Variants in PDP1 observed in about 807,000 individuals in gnomAD.
PDP1 encodes pyruvate dehydrogenase phosphatase catalytic subunit 1, also known as pyruvate dehyrogenase phosphatase catalytic subunit 1.
In PDP1, 14 loss-of-function variants were observed where a neutral mutation model predicts 37.1. The observed-to-expected ratio is 0.38, with a 90% CI of 0.25 to 0.59. The LOEUF is 0.59. Among genes scored for constraint, PDP1 ranks in the 20% least tolerant of loss-of-function variants. The pLI is 0.67. For missense variants in PDP1, 544 were observed against 655.3 expected (o/e 0.83, Z 1.85); for synonymous variants, 251 against 243.3 (o/e 1.03, Z -0.29).
chr8:93,919,504 C>G lies in PDP1; in HGVS notation c.-45+2425C>G, dbSNP rs546408193. On this transcript the variant is annotated intron_variant, in intron 1 of 1. Coordinates refer to ENST00000297598, the MANE Select transcript of PDP1 (RefSeq NM_018444.4). ...CCCCCCGCTGCCCTCCCTCCCCCCC[C>G]CCGGCAAAAAAATGTCGAAGCAAAG... Among the ~76,000 whole-genome samples, 115 of 137,074 alleles carry G rather than the reference C, an allele frequency of 8.4e-4. No individual in the cohort carries two copies. In the South Asian group the frequency reaches 0.012, roughly 14 times the overall value. The allele number at this position is 137,074 out of a possible 152,430, so 89.9% of individuals were successfully genotyped here.
Position 93,916,963 on chromosome 8 carries a change from G to C in PDP1, c.-161G>C, listed in dbSNP as rs771299570. 4.4e-6 allele frequency: 2 copies of C among 458,386 alleles called. No homozygotes were observed. The highest frequency in any genetic ancestry group is 3.1e-5 in the South Asian group (2 of 63,746). The allele number at this position is 458,386 out of a possible 1,614,324, so 28.4% of individuals were successfully genotyped here. On this transcript the variant is annotated 5_prime_UTR_variant, in exon 1 of 2. Transcript: ENST00000297598. The stretch of plus-strand genomic sequence containing the variant: ...TAGGGGAGCAGAGTGGGCAGGCCGG[G>C]GGTGAGGGCTCGCGCTCCGGGAGCT...
chr8:93,917,799 C>G, intron 1 of PDP1: 1 of 1,587,870 alleles, frequency 6.3e-7, no homozygotes, highest in Non-Finnish European at 8.6e-7. Flanking sequence ...GCCTCCCCGC[C>G]GCCGCCTCCT....
rs1810365974 is a variant in PDP1, at chr8:93,923,904, T to A, written c.*231T>A. Reference sequence around the variant, plus strand: ...GGCACCTGCACTTGAAGCAAGTCACTTCTTTATCACAGGTGTCTTGAAACA... The same window carrying A: ...GGCACCTGCACTTGAAGCAAGTCACATCTTTATCACAGGTGTCTTGAAACA... On this transcript the variant is annotated 3_prime_UTR_variant, in exon 2 of 2. Coordinates refer to ENST00000297598, the MANE Select transcript of PDP1 (RefSeq NM_018444.4). The surrounding 1 kb of genome is among the most constrained non-coding windows in gnomAD (Gnocchi z 4.3). 2.0e-6 allele frequency: 1 copy of A among 509,216 alleles called. No individual in the cohort carries two copies. Among genetic ancestry groups the A allele is most frequent in the African/African-American group, 1.9e-5 (1 of 51,586 alleles). The allele number at this position is 509,216 out of a possible 1,614,324, so 31.5% of individuals were successfully genotyped here.
At position 93,917,274 on chromosome 8, in the gene PDP1, G is replaced by C. The variant is rs555920024; in HGVS notation, c.-45+195G>C. The stretch of plus-strand genomic sequence containing the variant: ...GGCGTGGCGGCGCTGGGGGCCGTCG[G>C]GGGGCTGGGGGCGGGGGCGGGGGCG... On this transcript the variant is annotated intron_variant, in intron 1 of 1. Transcript: ENST00000297598. 359 of 150,166 alleles carry C rather than the reference G, an allele frequency of 2.4e-3. 1 individual carries two copies. Among genetic ancestry groups the C allele is most frequent in the Non-Finnish European group, 4.2e-3 (285 of 67,084 alleles). The allele number at this position is 150,166 out of a possible 1,614,324, so 9.3% of individuals were successfully genotyped here.
rs141493326 is a variant in PDP1, at chr8:93,923,340, G to C, written c.1281G>C (p.Gln427His). The change falls in exon 2 of 2, where the codon CAG (glutamine) becomes CAC (histidine). Residue 427 changes from glutamine to histidine, a missense_variant. Transcript: ENST00000297598. The surrounding 1 kb of genome is among the most constrained non-coding windows in gnomAD (Gnocchi z 4.3). ...GGTTGTGGGAGACTATGCATAGGCA[G>C]GATGTGGTTAGGATTGTGGGTGAGT... ...TDGLWETMHR[Q>H]DVVRIVGEYL... The C allele has an allele frequency of 2.4e-5, 39 of 1,614,064 alleles. No homozygotes were observed. Among genetic ancestry groups the C allele is most frequent in the Non-Finnish European group, 3.2e-5 (38 of 1,180,026 alleles).
Position 93,924,475 on chromosome 8 carries a change from G to A in PDP1, c.*802G>A, listed in dbSNP as rs935693939. On this transcript the variant is annotated 3_prime_UTR_variant, in exon 2 of 2. Transcript: ENST00000297598. ...GAAGAGACTGATCTCTTCAATTATT[G>A]TCATCTGTAGCCACCAGCACATCAC... 1 of 167,044 alleles carries A rather than the reference G, an allele frequency of 6.0e-6. No individual in the cohort carries two copies. Among genetic ancestry groups the A allele is most frequent in the Non-Finnish European group, 1.5e-5 (1 of 68,108 alleles). 10.3% of individuals were successfully genotyped at this position (167,044 alleles called of 1,614,324 possible).
chr8:93,917,915 A>ATG (rs746354729), intron 1 of PDP1: 7 of 1,613,866 alleles, frequency 4.3e-6, no homozygotes, highest in Non-Finnish European at 5.1e-6. Context: ...TGACAGGAGA[A>ATG]TGTGTGTGTG....
chr8:93,918,132 A>G (rs1810144573), intron 1 of PDP1, among the ~76,000 whole-genome samples: 1 of 152,198 alleles, frequency 6.6e-6, no homozygotes, highest in African/African-American at 2.4e-5. Flanking sequence ...GGTAGCGACA[A>G]AGGAAACTAA....
chr8:93,921,463 G>T (rs1016512489), intron 1 of PDP1: 2 of 349,530 alleles, frequency 5.7e-6, no homozygotes, highest in Non-Finnish European at 8.0e-6. Context: ...ATATGTATAT[G>T]ATGTACACGT....
Position 93,925,342 on chromosome 8 carries a change from C to A in PDP1, c.*1669C>A. ...GTGTGTTTTTTTTTTTTTAAGTCAGCTTGGAACTTTTTTCCTGGGTAGTAT... is the reference window on the plus strand; with the variant it reads ...GTGTGTTTTTTTTTTTTTAAGTCAGATTGGAACTTTTTTCCTGGGTAGTAT... On this transcript the variant is annotated 3_prime_UTR_variant, in exon 2 of 2. Transcript: ENST00000297598. The A allele has an allele frequency of 6.1e-6, 1 of 163,914 alleles. No homozygotes were observed. The allele number at this position is 163,914 out of a possible 1,614,324, so 10.2% of individuals were successfully genotyped here. A position where few individuals can be genotyped will look rare whatever the true frequency, so the allele number is the denominator to read the frequency against.
Position 93,922,574 on chromosome 8 carries a change from C to G in PDP1, c.515C>G (p.Thr172Ser). Residue 172 changes from threonine (T) to serine (S), a missense_variant, in exon 2 of 2, where the codon ACT (threonine) becomes AGT (serine). Thr to Ser is a moderately conservative substitution (Grantham distance 58, BLOSUM62 1). Around this residue, in one of 5 missense-constraint regions of PDP1, gnomAD observed 342 missense variants for 414.0 expected, o/e 0.83. Transcript: ENST00000297598. This position sits in a 1 kb window ranked among gnomAD's most constrained non-coding sequence, Gnocchi z 4.0. ...YIAVSLLPHETLLEIENAVES... is the reference protein window; with the variant it reads ...YIAVSLLPHESLLEIENAVES... ...GCTGTCTCTTTGTTACCCCATGAGA[C>G]TTTGCTAGAGATTGAAAATGCAGTG... 1 of 1,614,028 alleles carries G rather than the reference C, an allele frequency of 6.2e-7. No homozygotes were observed. The highest frequency in any genetic ancestry group is 8.5e-7 in the Non-Finnish European group (1 of 1,180,012).
Position 93,922,922 on chromosome 8 carries a change from A to C in PDP1, c.863A>C (p.Asn288Thr). 1.9e-6 allele frequency: 3 copies of C among 1,614,198 alleles called. No individual in the cohort carries two copies. Among genetic ancestry groups the C allele is most frequent in the Non-Finnish European group, 2.5e-6 (3 of 1,180,030 alleles). The change falls in exon 2 of 2, where the codon AAT (asparagine) becomes ACT (threonine). Residue 288 changes from asparagine to threonine, a missense_variant. Asn to Thr is a moderately conservative substitution (Grantham distance 65). Coordinates refer to ENST00000297598, the MANE Select transcript of PDP1 (RefSeq NM_018444.4). The surrounding 1 kb of genome is among the most constrained non-coding windows in gnomAD (Gnocchi z 4.0). ...HVDGVDLHVA[N>T]TGDSRAMLGV... ...GATGGTGTTGACCTTCATGTGGCCA[A>C]TACTGGCGATAGCAGAGCCATGCTG...
rs751770350 is a variant in PDP1, at chr8:93,923,178, A to G, written c.1119A>G (p.Pro373=). The G allele has an allele frequency of 1.2e-6, 2 of 1,614,118 alleles. No homozygotes were observed. The highest frequency in any genetic ancestry group is 1.7e-5 in the Admixed American group (1 of 60,002). Reference sequence around the variant, plus strand: ...AAAAGAGAGTGATAGAATCTGGCCCAGACCAGTTGAATGACAATGAATATA... The same window carrying G: ...AAAAGAGAGTGATAGAATCTGGCCCGGACCAGTTGAATGACAATGAATATA... The part of the protein sequence containing the change: ...DLQKRVIESG[P]DQLNDNEYTK... The change falls in exon 2 of 2, where the codon CCA becomes CCG. Residue 373 remains proline (P), a synonymous_variant. Transcript: ENST00000297598. This position sits in a 1 kb window ranked among gnomAD's most constrained non-coding sequence, Gnocchi z 4.3.
rs1217941564 is a variant in PDP1, at chr8:93,922,942, A to G, written c.883A>G (p.Met295Val). ...HVANTGDSRA[M>V]LGVQEEDGSW... ...GGCCAATACTGGCGATAGCAGAGCCATGCTGGGTGTGCAGGAAGAGGACGG... is the reference window on the plus strand; with the variant it reads ...GGCCAATACTGGCGATAGCAGAGCCGTGCTGGGTGTGCAGGAAGAGGACGG... The change falls in exon 2 of 2, where the codon ATG becomes GTG. Residue 295 changes from methionine to valine, a missense_variant. By Grantham distance (21) the Met-to-Val change is conservative. This residue lies in a region of PDP1 where 342 missense variants were observed against 414.0 expected (regional missense o/e 0.83). Transcript: ENST00000297598. This position sits in a 1 kb window ranked among gnomAD's most constrained non-coding sequence, Gnocchi z 4.0. 5.6e-6 allele frequency: 9 copies of G among 1,614,224 alleles called. No individual in the cohort carries two copies. Among genetic ancestry groups the G allele is most frequent in the Non-Finnish European group, 7.6e-6 (9 of 1,180,032 alleles).
intron 1 of PDP1, among the ~76,000 whole-genome samples, chr8:93,917,431 C>T (rs1411467774): frequency 6.6e-6 from 1 of 151,956 alleles, no homozygotes; most frequent in Non-Finnish European, 1.5e-5. Flanking sequence ...CCCTGACGCA[C>T]CCCGGGTCAG....
chr8:93,925,464 T>A lies in PDP1; in HGVS notation c.*1791T>A, dbSNP rs1810407185. The A allele has an allele frequency of 6.0e-6, 1 of 166,998 alleles. No individual in the cohort carries two copies. The highest frequency in any genetic ancestry group is 1.5e-5 in the Non-Finnish European group (1 of 68,114). The allele number at this position is 166,998 out of a possible 1,614,324, so 10.3% of individuals were successfully genotyped here. On this transcript the variant is annotated 3_prime_UTR_variant, in exon 2 of 2. Transcript: ENST00000297598. ...ATATGTGGACTGCTCTAGCAAACCC[T>A]ATTTTCAGCTACTATTTGAATATTC...
chr8:93,922,797 C>T lies in PDP1; in HGVS notation c.738C>T (p.Asp246=), dbSNP rs767917111. 1 of 1,614,212 alleles carries T rather than the reference C, an allele frequency of 6.2e-7. No homozygotes were observed. The highest frequency in any genetic ancestry group is 8.5e-7 in the Non-Finnish European group (1 of 1,180,030). ...LINAFKRLDN[D]ISLEAQVGDP... The stretch of plus-strand genomic sequence containing the variant: ...ATGCCTTCAAGAGGCTTGATAATGA[C>T]ATCTCCTTGGAGGCGCAAGTTGGTG... The change falls in exon 2 of 2, where the codon GAC becomes GAT. Residue 246 remains aspartate, a synonymous_variant. Coordinates refer to ENST00000297598, the MANE Select transcript of PDP1 (RefSeq NM_018444.4). The surrounding 1 kb of genome is among the most constrained non-coding windows in gnomAD (Gnocchi z 4.0).
intron 1 of PDP1, among the ~76,000 whole-genome samples, chr8:93,920,214 C>T (rs773990334): frequency 2.6e-5 from 4 of 152,146 alleles, no homozygotes; most frequent in Non-Finnish European, 5.9e-5. Flanking sequence ...CAGAAACAAA[C>T]AAGAATCAGT....
At chr8:93,921,276 T>G (rs575578742) in intron 1 of PDP1, 1 of 984,790 alleles carries the variant, frequency 1.0e-6, no homozygotes, top group East Asian at 1.1e-4. Context: ...CAAGATTATT[T>G]GGGAGTTGGT....
Sources: allele counts gnomAD v4.1 joint callset (sites outside exome capture counted in the v4.1 genomes callset), GRCh38; gene constraint gnomAD v4.1.1; regional missense constraint gnomAD v4.1.1; non-coding constraint Gnocchi (gnomAD v3.1); transcripts MANE v1.5; gene names NCBI Gene and HGNC (gene_info 2026-07-23, HGNC 2026-07-21).